DNAH14: variants seen among roughly 807,000 people sequenced by gnomAD.
DNAH14 encodes the protein axonemal beta dynein heavy chain 14.
Under a neutral mutation model 520.9 loss-of-function variants are expected in DNAH14, and 478 were observed. The observed-to-expected ratio is 0.92, with a 90% CI of 0.85 to 0.99. The LOEUF is 0.99. Among genes scored for constraint, DNAH14 ranks in the 50% least tolerant of loss-of-function variants. DNAH14 has a pLI of 0.00. For missense variants in DNAH14, 4,831 were observed against 5,234.5 expected, an observed-to-expected ratio of 0.92 and a Z score of 2.38; for synonymous variants, 1,581 against 1,757.2, an observed-to-expected ratio of 0.90 and a Z score of 2.51.
intron 25 of DNAH14, 22 bp downstream of exon 25, chr1:225,118,021 G>C: frequency 6.8e-7 from 1 of 1,471,296 alleles, no homozygotes; most frequent in Non-Finnish European, 9.3e-7. Flanking sequence ...GTTACAAACT[G>C]TTTAGATTCT....
intron 64 of DNAH14, among the ~76,000 whole-genome samples, chr1:225,328,383 C>A (rs1348696473): frequency 6.6e-6 from 1 of 152,138 alleles, no homozygotes; most frequent in East Asian, 1.9e-4. Context: ...AGCCACATTA[C>A]CTTCCATCTC....
At chr1:225,127,296 T>G (rs867122716) in intron 27 of DNAH14, among the ~76,000 whole-genome samples, 1 of 151,810 alleles carries the variant, frequency 6.6e-6, no homozygotes, top group Non-Finnish European at 1.5e-5. Flanking sequence ...CTGTCTAATG[T>G]TGACAGTGGG....
intron 4 of DNAH14, among the ~76,000 whole-genome samples, chr1:224,962,573 C>T (rs2060909865): frequency 6.6e-6 from 1 of 152,090 alleles, no homozygotes; most frequent in Non-Finnish European, 1.5e-5. Flanking sequence ...GGCTTGGAGG[C>T]AAGTCTTTCA....
chr1:225,021,516 A>T (rs2065691768), intron 10 of DNAH14, among the ~76,000 whole-genome samples: 1 of 152,228 alleles, frequency 6.6e-6, no homozygotes. Flanking sequence ...ACTGAGAGCC[A>T]AATCAATGCC....
intron 37 of DNAH14, among the ~76,000 whole-genome samples, chr1:225,188,415 AT>A (rs1424397445): frequency 6.6e-6 from 1 of 151,904 alleles, no homozygotes; most frequent in East Asian, 1.9e-4. Context: ...ATTACATCAT[AT>A]TGTTTTAATT....
At chr1:224,990,014 TG>T (rs536503708) in intron 8 of DNAH14, among the ~76,000 whole-genome samples, 16,340 of 150,964 alleles carry the variant, frequency 0.11, 2,407 homozygotes, top group African/African-American at 0.33. Context: ...TCTGTGTTGT[TG>T]TTTTTTTTTT....
At position 225,269,494 on chromosome 1, in the gene DNAH14, G is replaced by T. The variant is rs367702984; in HGVS notation, c.7540-1241G>T. Among the ~76,000 whole-genome samples, 803 of 152,130 alleles carry T rather than the reference G, an allele frequency of 5.3e-3. 5 individuals are homozygous for T. The highest frequency in any genetic ancestry group is 0.017 in the African/African-American group (721 of 41,494). On this transcript the variant is annotated intron_variant, in intron 49 of 85. Transcript: ENST00000682510. Reference sequence around the variant, plus strand: ...ATTGACAAATGGGATCTAATTAAACGAAAGAGCTTCTGCACAGCAAAAGAA... The same window carrying T: ...ATTGACAAATGGGATCTAATTAAACTAAAGAGCTTCTGCACAGCAAAAGAA...
intron 71 of DNAH14, among the ~76,000 whole-genome samples, chr1:225,348,984 C>A (rs574235881): frequency 1.3e-5 from 2 of 151,954 alleles, no homozygotes; most frequent in Non-Finnish European, 2.9e-5. Flanking sequence ...ATTTTGATTT[C>A]TTTTTTTGAG....
intron 36 of DNAH14, among the ~76,000 whole-genome samples, chr1:225,174,973 G>A (rs1039615158): frequency 2.0e-5 from 3 of 152,036 alleles, no homozygotes; most frequent in African/African-American, 4.8e-5. Context: ...GAGATATATC[G>A]TGTTTACTGT....
In DNAH14 at chr1:225,374,725, A is replaced by G. The variant is rs1185754601; in HGVS notation, c.12356A>G (p.Gln4119Arg). Residue 4119 changes from glutamine to arginine, a missense_variant, in exon 78 of 86, where the codon CAG becomes CGG. Transcript: ENST00000682510. ...GTGTTGGAAAATTCCCTGAGAGGAC[A>G]GCCCAGCATTTCGTGGCAAGCACTG... ...IKVLENSLRG[Q>R]PSISWQALRY... 1 of 1,550,394 alleles carries G rather than the reference A, an allele frequency of 6.4e-7. No homozygotes were observed. Among genetic ancestry groups the G allele is most frequent in the Non-Finnish European group, 8.7e-7 (1 of 1,146,208 alleles).
At chr1:224,931,018 T>C (rs2058666359) in intron 1 of DNAH14, among the ~76,000 whole-genome samples, 1 of 152,250 alleles carries the variant, frequency 6.6e-6, no homozygotes, top group South Asian at 2.1e-4. Context: ...ATTGTTATCA[T>C]AGGAGATGAC....
chr1:225,104,435 G>T (rs1031052443), intron 23 of DNAH14, among the ~76,000 whole-genome samples: 3 of 152,172 alleles, frequency 2.0e-5, no homozygotes, highest in African/African-American at 7.2e-5. Context: ...TTTTTCTATT[G>T]TTTGGAATTG....
intron 8 of DNAH14, among the ~76,000 whole-genome samples, chr1:224,997,053 C>T (rs2063440541): frequency 6.6e-6 from 1 of 152,012 alleles, no homozygotes; most frequent in South Asian, 2.1e-4. Flanking sequence ...GAGTGACCAG[C>T]TAGGATTTGT....
At position 225,232,149 on chromosome 1, in the gene DNAH14, A is replaced by G. The variant is rs1459247005; in HGVS notation, c.6518+998A>G. On this transcript the variant is annotated intron_variant, in intron 42 of 85. Transcript: ENST00000682510. The surrounding 1 kb of genome is among the most constrained non-coding windows in gnomAD (Gnocchi z 4.2). ...TAAATAAATGAAATCATCCTGTATG[A>G]TCTTCTGCCACTTGCATCTTTTGTT... 6.6e-6 allele frequency among the ~76,000 whole-genome samples: 1 copy of G among 152,034 alleles called. No individual in the cohort carries two copies. The highest frequency in any genetic ancestry group is 2.4e-5 in the African/African-American group (1 of 41,402).
intron 7 of DNAH14, among the ~76,000 whole-genome samples, chr1:224,972,905 G>T (rs1296834276): frequency 6.6e-6 from 1 of 152,178 alleles, no homozygotes; most frequent in Admixed American, 6.5e-5. Flanking sequence ...TAGACCATCA[G>T]CATCATCGTT....
At chr1:225,261,701 T>C (rs554145426) in intron 46 of DNAH14, among the ~76,000 whole-genome samples, 18 of 152,130 alleles carry the variant, frequency 1.2e-4, no homozygotes, top group African/African-American at 3.6e-4. Flanking sequence ...TTTGGAAGAG[T>C]TGGAGAAGGA....
chr1:225,112,389 G>A (rs2076551768), intron 23 of DNAH14, among the ~76,000 whole-genome samples: 1 of 151,972 alleles, frequency 6.6e-6, no homozygotes, highest in African/African-American at 2.4e-5. Flanking sequence ...GCTACTTTTA[G>A]GATCCTTTCT....
At chr1:225,109,274 G>A (rs889625398) in intron 23 of DNAH14, among the ~76,000 whole-genome samples, 13 of 152,054 alleles carry the variant, frequency 8.5e-5, no homozygotes, top group African/African-American at 2.7e-4. Flanking sequence ...CTCTGATAGG[G>A]ACTGCATTGA....
intron 60 of DNAH14, among the ~76,000 whole-genome samples, chr1:225,316,801 A>G (rs1460388349): frequency 6.6e-6 from 1 of 152,168 alleles, no homozygotes; most frequent in Admixed American, 6.5e-5. Flanking sequence ...CTATTTGGCC[A>G]TCTTGGCCCA....
Sources: gnomAD v4.1 joint callset for allele counts (sites outside exome capture counted in the v4.1 genomes callset) on GRCh38, gnomAD v4.1.1 for gene constraint, Gnocchi (gnomAD v3.1) non-coding constraint, MANE v1.5 for transcripts, NCBI Gene and HGNC (gene_info 2026-07-23, HGNC 2026-07-21) for gene names.